NRG1: variants seen among roughly 807,000 people sequenced by gnomAD.
NRG1 encodes pro-neuregulin-1, membrane-bound isoform.
A neutral mutation model predicts 63.8 loss-of-function variants in NRG1; 18 were observed. The observed-to-expected ratio is 0.28, with a 90% CI of 0.19 to 0.42. The LOEUF (loss-of-function observed/expected upper bound fraction) is 0.42. NRG1 is among the 10% of genes least tolerant of loss of function. NRG1 has a pLI of 1.00. For synonymous variants in NRG1, 302 were observed against 301.3 expected, an observed-to-expected ratio of 1.00 and a Z score of -0.02; for missense variants, 762 against 814.7, an observed-to-expected ratio of 0.94 and a Z score of 0.79.
intron 1 of NRG1, among the ~76,000 whole-genome samples, chr8:32,301,614 G>A (rs1043803283): frequency 6.6e-6 from 1 of 152,100 alleles, no homozygotes; most frequent in Non-Finnish European, 1.5e-5. Flanking sequence ...ACACGGCTGG[G>A]GAGGCCTCAC....
chr8:31,809,741 G>GTTTTT (rs753730069), intron 1 of NRG1, among the ~76,000 whole-genome samples: 5 of 68,014 alleles, frequency 7.4e-5, no homozygotes, highest in Non-Finnish European at 1.0e-4. Flanking sequence ...TCTATTAATT[G>GTTTTT]TTTTTTTTTT....
rs374182924 is a variant in NRG1, at chr8:32,698,589, G to A, written c.503-29360G>A. ...GTGAGCATTCACGGGAAGGAAGAAA[G>A]ACCAAATAAAGGCCTAGGAGGAGGT... On this transcript the variant is annotated intron_variant, in intron 5 of 11. Coordinates refer to ENST00000356819, the Ensembl canonical transcript of NRG1. Among the ~76,000 whole-genome samples the A allele has an allele frequency of 1.1e-4, 17 of 152,286 alleles. No homozygotes were observed. The East Asian group carries it at 2.7e-3, about 24-fold the overall frequency.
At chr8:31,762,133 A>C (rs1019695877) in intron 1 of NRG1, among the ~76,000 whole-genome samples, 2 of 152,192 alleles carry the variant, frequency 1.3e-5, no homozygotes, top group African/African-American at 4.8e-5. Context: ...CAGAACATGC[A>C]AGTTGGTTAC....
intron 1 of NRG1, among the ~76,000 whole-genome samples, chr8:31,767,607 A>G (rs1354977952): frequency 2.6e-5 from 4 of 152,132 alleles, no homozygotes; most frequent in African/African-American, 4.8e-5. Context: ...TGGGAGGCTG[A>G]GGCAGGTGGA....
chr8:32,297,969 C>T lies in NRG1; in HGVS notation c.38-297859C>T, dbSNP rs182631067. On this transcript the variant is annotated intron_variant, in intron 1 of 10. Coordinates refer to the NRG1 transcript ENST00000519301. ...CTGTACTACTAGAAGCGAACTAATT[C>T]ATGATTTATTTTTAAGTGATTAGAA... Among the ~76,000 whole-genome samples, 3 of 152,310 alleles carry T rather than the reference C, an allele frequency of 2.0e-5. No homozygotes were observed. In the East Asian group the frequency reaches 5.8e-4, roughly 29 times the overall value.
chr8:32,232,796 C>G (rs929953167), intron 1 of NRG1, among the ~76,000 whole-genome samples: 2 of 152,074 alleles, frequency 1.3e-5, no homozygotes, highest in African/African-American at 4.8e-5. Flanking sequence ...CTCAGGATCC[C>G]TTACATAAAA....
chr8:31,884,103 T>A (rs1482886252), intron 1 of NRG1, among the ~76,000 whole-genome samples: 2 of 152,114 alleles, frequency 1.3e-5, no homozygotes, highest in Admixed American at 6.6e-5. Flanking sequence ...CCCCAATGAA[T>A]TTTTACATTC....
intron 1 of NRG1, among the ~76,000 whole-genome samples, chr8:31,658,787 A>C (rs777682411): frequency 6.6e-5 from 10 of 152,166 alleles, no homozygotes; most frequent in Non-Finnish European, 1.2e-4. Context: ...CTTAATGTTA[A>C]TCAGCAGAGG....
chr8:32,599,618 C>T (rs543944339), intron 2 of NRG1, among the ~76,000 whole-genome samples: 5 of 152,234 alleles, frequency 3.3e-5, no homozygotes, highest in South Asian at 4.1e-4. Context: ...TGGAAACTAC[C>T]CTCATGTTAT....
At chr8:32,486,404 T>C (rs1825907587) in intron 1 of NRG1, among the ~76,000 whole-genome samples, 1 of 152,150 alleles carries the variant, frequency 6.6e-6, no homozygotes, top group African/African-American at 2.4e-5. Context: ...GCAATGAAAC[T>C]CTACTTACGC....
rs544503165 is a variant in NRG1, at chr8:31,910,376, G to A, written c.37+270945G>A. On this transcript the variant is annotated intron_variant, in intron 1 of 10. Coordinates refer to the NRG1 transcript ENST00000519301. ...TTGAGTCTTCTAAAATGTGTCCAGC[G>A]TCTGTTCTCAGTGCAACAATAAACT... Among the ~76,000 whole-genome samples, 11 of 152,250 alleles carry A rather than the reference G, an allele frequency of 7.2e-5. No individual in the cohort carries two copies. The South Asian group carries it at 8.3e-4, about 11-fold the overall frequency.
intron 1 of NRG1, among the ~76,000 whole-genome samples, chr8:32,434,883 A>G (rs1818591192): frequency 6.6e-6 from 1 of 152,202 alleles, no homozygotes; most frequent in Admixed American, 6.5e-5. Context: ...TAATGTAGAG[A>G]CCATGTAAAG....
intron 1 of NRG1, among the ~76,000 whole-genome samples, chr8:31,969,571 T>C (rs1806936084): frequency 6.6e-6 from 1 of 152,188 alleles, no homozygotes. Context: ...CAGTGATTGG[T>C]TCTGATCACT....
chr8:32,634,328 AAG>A (rs1246306573), intron 5 of NRG1, among the ~76,000 whole-genome samples: 10 of 152,112 alleles, frequency 6.6e-5, no homozygotes, highest in Non-Finnish European at 4.4e-5. Context: ...AAAAAAATGA[AAG>A]AGAGAAATCA....
At chr8:31,937,884 A>AACTCAGAC (rs1483423788) in intron 1 of NRG1, among the ~76,000 whole-genome samples, 1 of 152,148 alleles carries the variant, frequency 6.6e-6, no homozygotes, top group African/African-American at 2.4e-5. Flanking sequence ...AGAGAGGCTG[A>AACTCAGAC]ACTCAGACAC....
In NRG1 at chr8:32,043,519, A is replaced by T. The variant is rs549022831; in HGVS notation, c.37+404088A>T. On this transcript the variant is annotated intron_variant, in intron 1 of 10. Coordinates refer to the NRG1 transcript ENST00000519301. ...TTCATGAAAGAACAGCAGAAATGGT[A>T]ACTATATAAATAAATATAGTACATA... Among the ~76,000 whole-genome samples the T allele has an allele frequency of 2.8e-4, 42 of 152,194 alleles. No homozygotes were observed. The South Asian group carries it at 8.5e-3, about 31-fold the overall frequency.
intron 1 of NRG1, among the ~76,000 whole-genome samples, chr8:32,228,569 T>G (rs1846575358): frequency 6.6e-6 from 1 of 152,182 alleles, no homozygotes; most frequent in Admixed American, 6.5e-5. Context: ...TTTTCACATG[T>G]GAGTGTGATA....
At chr8:32,743,463 T>C (rs1826794719) in intron 7 of NRG1, among the ~76,000 whole-genome samples, 1 of 151,092 alleles carries the variant, frequency 6.6e-6, no homozygotes, top group South Asian at 2.1e-4. Context: ...CTGTTATTTG[T>C]TTAAATATTT....
intron 1 of NRG1, among the ~76,000 whole-genome samples, chr8:31,821,829 GGATATTT>G (rs1204328302): frequency 6.6e-6 from 1 of 152,052 alleles, no homozygotes; most frequent in Non-Finnish European, 1.5e-5. Flanking sequence ...AGTGTCAAAG[GGATATTT>G]GTGAAAAGAG....
Sources: allele counts gnomAD v4.1 joint callset (sites outside exome capture counted in the v4.1 genomes callset), GRCh38; gene constraint gnomAD v4.1.1; transcripts MANE v1.5; gene names NCBI Gene and HGNC (gene_info 2026-07-23, HGNC 2026-07-21).